Variants in GRB10 observed in about 807,000 individuals in gnomAD.
The protein encoded by GRB10 is growth factor receptor bound protein 10, also known as growth factor receptor-bound protein 10.
Under a neutral mutation model 80.9 loss-of-function variants are expected in GRB10, and 20 were observed. The ratio of observed to expected loss-of-function variants is 0.25; its 90% confidence interval spans 0.17 to 0.36. The LOEUF is 0.36. Among genes scored for constraint, GRB10 ranks in the 10% least tolerant of loss-of-function variants. The pLI, the probability that GRB10 is intolerant of heterozygous loss-of-function variation, is 1.00. For missense variants in GRB10, 548 were observed against 747.7 expected, an observed-to-expected ratio of 0.73 and a Z score of 3.12; for synonymous variants, 291 against 291.5, an observed-to-expected ratio of 1.00 and a Z score of 0.02.
At chr7:50,658,955 G>C (rs923193294) in intron 7 of GRB10, among the ~76,000 whole-genome samples, 1 of 152,204 alleles carries the variant, frequency 6.6e-6, no homozygotes, top group African/African-American at 2.4e-5. Context: ...AGCTGTGAGA[G>C]ACCTCCGCTT....
intron 7 of GRB10, among the ~76,000 whole-genome samples, chr7:50,629,155 G>A (rs566808200): frequency 6.6e-6 from 1 of 152,268 alleles, no homozygotes; most frequent in African/African-American, 2.4e-5. Context: ...GAGGATACAT[G>A]ATCTTCTCTA....
intron 5 of GRB10, among the ~76,000 whole-genome samples, chr7:50,688,717 C>T (rs2715123): frequency 0.073 from 10,837 of 149,048 alleles, 1,359 homozygotes; most frequent in African/African-American, 0.25. Context: ...AAAAAAAAAT[C>T]TGACAACCAC....
intron 7 of GRB10, among the ~76,000 whole-genome samples, chr7:50,650,725 G>A (rs2057903934): frequency 6.6e-6 from 1 of 152,212 alleles, no homozygotes; most frequent in South Asian, 2.1e-4. Flanking sequence ...ATTGAGAGCA[G>A]GTCCTGCCTA....
intron 4 of GRB10, among the ~76,000 whole-genome samples, chr7:50,731,924 T>C (rs2069813789): frequency 6.6e-6 from 1 of 152,222 alleles, no homozygotes; most frequent in East Asian, 1.9e-4. Context: ...CAGGAGTGTC[T>C]GGCCCGACCC....
At chr7:50,733,478 G>C (rs1241239242) in intron 3 of GRB10, among the ~76,000 whole-genome samples, 2 of 152,188 alleles carry the variant, frequency 1.3e-5, no homozygotes, top group Non-Finnish European at 2.9e-5. Flanking sequence ...TACCAACCAT[G>C]TTTTCTGCAA....
At chr7:50,663,270 C>T (rs986999415) in intron 7 of GRB10, among the ~76,000 whole-genome samples, 1 of 152,202 alleles carries the variant, frequency 6.6e-6, no homozygotes, top group African/African-American at 2.4e-5. Flanking sequence ...CCTTCCCCCA[C>T]AAGGAGTAGG....
At chr7:50,710,598 GA>G (rs2065742596) in intron 4 of GRB10, among the ~76,000 whole-genome samples, 1 of 152,148 alleles carries the variant, frequency 6.6e-6, no homozygotes, top group Non-Finnish European at 1.5e-5. Context: ...GGGAAAACTG[GA>G]TGAGAGGAGT....
chr7:50,605,507 G>C, intron 14 of GRB10, 101 bp from the exon 15 acceptor site: 17 of 973,726 alleles, frequency 1.7e-5, no homozygotes, highest in Middle Eastern at 2.1e-4. Flanking sequence ...GGGGAGCAGG[G>C]AATGCCTGCT....
At chr7:50,722,462 A>G (rs1338587105) in intron 4 of GRB10, among the ~76,000 whole-genome samples, 1 of 152,190 alleles carries the variant, frequency 6.6e-6, no homozygotes, top group Non-Finnish European at 1.5e-5. Flanking sequence ...GGGAAATTCC[A>G]TGTGTTCGAA....
chr7:50,648,987 G>A (rs1286740070), intron 7 of GRB10, among the ~76,000 whole-genome samples: 1 of 152,126 alleles, frequency 6.6e-6, no homozygotes, highest in East Asian at 1.9e-4. Flanking sequence ...GGGACTTGGG[G>A]GTAAGAAACC....
intron 3 of GRB10, among the ~76,000 whole-genome samples, chr7:50,738,859 G>A (rs1554617256): frequency 2.6e-5 from 4 of 152,112 alleles, no homozygotes; most frequent in Admixed American, 2.6e-4. Context: ...TGCTTCCCTT[G>A]ATTAAAAGGG....
intron 2 of GRB10, among the ~76,000 whole-genome samples, chr7:50,776,729 C>T (rs1040422443): frequency 1.3e-5 from 2 of 152,344 alleles, no homozygotes; most frequent in East Asian, 3.9e-4. Context: ...GCCTTTGTAG[C>T]AAGGACTGTC....
At chr7:50,667,522 G>A (rs1038928746) in intron 7 of GRB10, among the ~76,000 whole-genome samples, 7 of 152,096 alleles carry the variant, frequency 4.6e-5, no homozygotes, top group Non-Finnish European at 7.4e-5. Flanking sequence ...ATCCCCCACC[G>A]TGATCCTAGA....
chr7:50,697,763 A>G (rs1178214090), intron 5 of GRB10, among the ~76,000 whole-genome samples: 1 of 152,232 alleles, frequency 6.6e-6, no homozygotes, highest in African/African-American at 2.4e-5. Context: ...GGTGTCAGGC[A>G]CAGAGATGGG....
At chr7:50,614,187 T>C (rs1010387809) in intron 12 of GRB10, among the ~76,000 whole-genome samples, 12 of 152,228 alleles carry the variant, frequency 7.9e-5, no homozygotes, top group Admixed American at 3.3e-4. Flanking sequence ...TGTATGTGTA[T>C]GCACAAAGGT....
At chr7:50,753,308 G>A (rs999153515) in intron 3 of GRB10, among the ~76,000 whole-genome samples, 4 of 152,334 alleles carry the variant, frequency 2.6e-5, no homozygotes, top group Middle Eastern at 3.4e-3. Flanking sequence ...CAAGCAAAAC[G>A]TGAGTTCTTA....
rs553807287 is a variant in GRB10 at position 50,666,909 on chromosome 7, G to A, written c.504+2813C>T. ...CAAAAAATTAGCCGGGCGTGGTGGCGGGCGCCTGTAGTCCCAGCTACTCAG... is the reference window on the plus strand; with the variant it reads ...CAAAAAATTAGCCGGGCGTGGTGGCAGGCGCCTGTAGTCCCAGCTACTCAG... On this transcript the variant is annotated intron_variant, in intron 7 of 18. Transcript: ENST00000401949. Among the ~76,000 whole-genome samples, 37 of 152,054 alleles carry A rather than the reference G, an allele frequency of 2.4e-4. No homozygotes were observed. In the East Asian group the frequency reaches 6.4e-3, roughly 26 times the overall value.
chr7:50,746,018 T>C (rs1587788091), intron 3 of GRB10, among the ~76,000 whole-genome samples: 1 of 152,168 alleles, frequency 6.6e-6, no homozygotes, highest in Non-Finnish European at 1.5e-5. Flanking sequence ...GAGTCCAGTA[T>C]CTGAGCTGTA....
rs971052170 is a variant in GRB10 at position 50,782,236 on chromosome 7, G to A, written c.-327+188C>T. ...GGCGGCAACGAAGCTCGGGATCTCGGACTGCAGCGAGCCCGCGGCAGGCGG... is the reference window on the plus strand; with the variant it reads ...GGCGGCAACGAAGCTCGGGATCTCGAACTGCAGCGAGCCCGCGGCAGGCGG... On this transcript the variant is annotated intron_variant, in intron 1 of 18. Coordinates refer to ENST00000401949, the MANE Select transcript of GRB10 (RefSeq NM_001350814.2). The surrounding 1 kb of genome is among the most constrained non-coding windows in gnomAD (Gnocchi z 6.6). Among the ~76,000 whole-genome samples the A allele has an allele frequency of 6.6e-6, 1 of 151,884 alleles. No homozygotes were observed. The highest frequency in any genetic ancestry group is 2.1e-4 in the South Asian group (1 of 4,832).
Sources: allele counts gnomAD v4.1 joint callset (sites outside exome capture counted in the v4.1 genomes callset), GRCh38; gene constraint gnomAD v4.1.1; non-coding constraint Gnocchi (gnomAD v3.1); transcripts MANE v1.5; gene names NCBI Gene and HGNC (gene_info 2026-07-23, HGNC 2026-07-21).